The following NELL2 variants were observed in gnomAD, a reference collection of about 807,000 sequenced individuals.
NELL2 encodes the protein protein kinase C-binding protein NELL2.
A neutral mutation model predicts 109.6 loss-of-function variants in NELL2; 41 were observed. The ratio of observed to expected loss-of-function variants is 0.37; its 90% CI spans 0.29 to 0.49. The LOEUF is 0.49. Among genes scored for constraint, NELL2 ranks in the 20% least tolerant of loss-of-function variants. The pLI, the probability that NELL2 is intolerant of heterozygous loss-of-function variation, is 0.98. For missense variants in NELL2, 900 were observed against 1,008.3 expected (o/e 0.89, Z 1.45); for synonymous variants, 355 against 344.7 (o/e 1.03, Z -0.33).
At chr12:44,884,699 C>T (rs1945451216) in intron 1 of NELL2, among the ~76,000 whole-genome samples, 1 of 151,798 alleles carries the variant, frequency 6.6e-6, no homozygotes, top group African/African-American at 2.4e-5. Flanking sequence ...TAAACTACAA[C>T]AAGGTGGGGT....
chr12:44,509,021 A>C (rs1249747208), intron 19 of NELL2, 37 bp from the exon 20 acceptor site: 1 of 1,556,850 alleles, frequency 6.4e-7, no homozygotes, highest in Non-Finnish European at 8.8e-7. Flanking sequence ...AACAGTATGA[A>C]TTTTTAAGCC....
chr12:44,868,463 C>A (rs1775240745), intron 2 of NELL2, among the ~76,000 whole-genome samples: 1 of 152,166 alleles, frequency 6.6e-6, no homozygotes, highest in Non-Finnish European at 1.5e-5. Context: ...GATCTCACAT[C>A]TTGACAATTA....
At chr12:44,610,760 A>G in intron 14 of NELL2, 88 bp downstream of exon 14, 1 of 1,556,296 alleles carries the variant, frequency 6.4e-7, no homozygotes, top group Non-Finnish European at 8.8e-7. Context: ...CCTGGAATGT[A>G]CATAACAGTA....
At chr12:44,746,638 G>C (rs1049402778) in intron 9 of NELL2, among the ~76,000 whole-genome samples, 1 of 152,100 alleles carries the variant, frequency 6.6e-6, no homozygotes, top group Non-Finnish European at 1.5e-5. Flanking sequence ...AGTGGGCGAA[G>C]GATATGAACA....
intron 13 of NELL2, among the ~76,000 whole-genome samples, chr12:44,636,493 G>A (rs1271895811): frequency 6.6e-6 from 1 of 152,110 alleles, no homozygotes; most frequent in Non-Finnish European, 1.5e-5. Flanking sequence ...TTAGCATAAA[G>A]GGGTGTTAAA....
intron 19 of NELL2, among the ~76,000 whole-genome samples, chr12:44,514,841 G>A (rs1941186636): frequency 1.3e-5 from 2 of 151,332 alleles, no homozygotes; most frequent in East Asian, 1.9e-4. Context: ...ATATATTACT[G>A]TTTTAGCACA....
intron 15 of NELL2, 59 bp from the exon 16 acceptor site, chr12:44,532,780 A>C: frequency 6.6e-7 from 1 of 1,521,816 alleles, no homozygotes; most frequent in Non-Finnish European, 8.9e-7. Flanking sequence ...AAACTAGAAT[A>C]TTCTGCTACA....
chr12:44,786,664 G>A (rs1942183639), intron 3 of NELL2, among the ~76,000 whole-genome samples: 1 of 152,128 alleles, frequency 6.6e-6, no homozygotes, highest in South Asian at 2.1e-4. Context: ...AAGAAAATGT[G>A]GCATATATAC....
chr12:44,719,022 A>C (rs189277576), intron 9 of NELL2, among the ~76,000 whole-genome samples: 70 of 152,300 alleles, frequency 4.6e-4, no homozygotes, highest in Non-Finnish European at 8.1e-4. Context: ...CGTTCTACCA[A>C]GGCTATCTTA....
At chr12:44,615,089 G>C (rs1035384810) in intron 13 of NELL2, among the ~76,000 whole-genome samples, 3 of 152,050 alleles carry the variant, frequency 2.0e-5, no homozygotes, top group Admixed American at 6.6e-5. Context: ...CAAAGCTTTA[G>C]TAAATGGATT....
At chr12:44,519,475 A>G (rs993120329) in intron 19 of NELL2, among the ~76,000 whole-genome samples, 3 of 152,222 alleles carry the variant, frequency 2.0e-5, no homozygotes, top group African/African-American at 7.2e-5. Flanking sequence ...CAACTGTATG[A>G]ATAAAATATG....
chr12:44,867,538 T>C (rs1284362418), intron 2 of NELL2, among the ~76,000 whole-genome samples: 1 of 152,116 alleles, frequency 6.6e-6, no homozygotes, highest in Non-Finnish European at 1.5e-5. Context: ...CAGTAAAAAG[T>C]TGAAAGTTTT....
At chr12:44,590,350 C>T (rs938421170) in intron 15 of NELL2, among the ~76,000 whole-genome samples, 5 of 152,114 alleles carry the variant, frequency 3.3e-5, no homozygotes, top group African/African-American at 1.2e-4. Flanking sequence ...GGAGAGATGA[C>T]ACATTGCATT....
chr12:44,682,518 C>T lies in NELL2; in HGVS notation c.1319-16909G>A, dbSNP rs534805596. ...CATGCCTATGTCCTGAATGGTATTG[C>T]CTAGGTTTTCTTCTAGGGTTTTTAT... On this transcript the variant is annotated intron_variant, in intron 12 of 19. Coordinates refer to ENST00000429094, the MANE Select transcript of NELL2 (RefSeq NM_001145108.2). 2.6e-5 allele frequency among the ~76,000 whole-genome samples: 4 copies of T among 152,188 alleles called. No individual in the cohort carries two copies. In the South Asian group the frequency reaches 8.3e-4, roughly 32 times the overall value.
At chr12:44,589,466 C>T (rs1283289842) in intron 15 of NELL2, among the ~76,000 whole-genome samples, 1 of 152,024 alleles carries the variant, frequency 6.6e-6, no homozygotes, top group African/African-American at 2.4e-5. Flanking sequence ...TCACTGCAAC[C>T]TCCACCTCCC....
intron 15 of NELL2, among the ~76,000 whole-genome samples, chr12:44,541,179 A>G (rs1421409013): frequency 7.0e-6 from 1 of 142,762 alleles, no homozygotes; most frequent in Non-Finnish European, 1.5e-5. Context: ...TGAACCCAGG[A>G]GGCAGAGCTT....
At chr12:44,827,411 G>GCT (rs1555223818) in intron 2 of NELL2, among the ~76,000 whole-genome samples, 1 of 126,646 alleles carries the variant, frequency 7.9e-6, no homozygotes, top group Non-Finnish European at 1.6e-5. Context: ...TCTTCTAACT[G>GCT]TTTTTTTTTT....
chr12:44,675,653 C>G (rs1458500044), intron 12 of NELL2, among the ~76,000 whole-genome samples: 1 of 151,962 alleles, frequency 6.6e-6, no homozygotes, highest in Non-Finnish European at 1.5e-5. Context: ...AACAGAGGCA[C>G]AGAGAAGCCA....
At chr12:44,699,037 G>C (rs954642259) in intron 12 of NELL2, among the ~76,000 whole-genome samples, 1 of 152,124 alleles carries the variant, frequency 6.6e-6, no homozygotes, top group Non-Finnish European at 1.5e-5. Flanking sequence ...TGTGAGGATA[G>C]AAGATATAGT....
Sources: gnomAD v4.1 joint callset for allele counts (sites outside exome capture counted in the v4.1 genomes callset) on GRCh38, gnomAD v4.1.1 for gene constraint, MANE v1.5 for transcripts, NCBI Gene and HGNC (gene_info 2026-07-23, HGNC 2026-07-21) for gene names.